POU1F1: variants seen among roughly 807,000 people sequenced by gnomAD.
The protein encoded by POU1F1 is pituitary-specific positive transcription factor 1.
Under a neutral mutation model 32.3 loss-of-function variants are expected in POU1F1, and 23 were observed. The ratio of observed to expected loss-of-function variants is 0.71; its 90% confidence interval spans 0.51 to 1.01. The LOEUF is 1.01. POU1F1 is among the 50% of genes least tolerant of loss of function. POU1F1 has a pLI of 0.00. For synonymous variants in POU1F1, 120 were observed against 115.6 expected, an observed-to-expected ratio of 1.04 and a Z score of -0.25; for missense variants, 323 against 341.6, an observed-to-expected ratio of 0.95 and a Z score of 0.43.
At chr3:87,271,796 T>C (rs972842755) in intron 2 of POU1F1, among the ~76,000 whole-genome samples, 2 of 152,180 alleles carry the variant, frequency 1.3e-5, no homozygotes, top group Non-Finnish European at 2.9e-5. Flanking sequence ...ATGGCTTTAA[T>C]TCTTAATTTT....
At chr3:87,267,926 T>TTA (rs1156808721) in intron 2 of POU1F1, among the ~76,000 whole-genome samples, 7 of 152,082 alleles carry the variant, frequency 4.6e-5, no homozygotes, top group Non-Finnish European at 8.8e-5. Flanking sequence ...GAAAGGTAGT[T>TTA]TATACATTGT....
At chr3:87,272,006 C>A (rs530342073) in intron 2 of POU1F1, among the ~76,000 whole-genome samples, 12 of 151,122 alleles carry the variant, frequency 7.9e-5, no homozygotes, top group Non-Finnish European at 1.6e-4. Context: ...AAAGGTTAAA[C>A]AATTTAATTA....
At chr3:87,268,925 C>T (rs971472412) in intron 2 of POU1F1, among the ~76,000 whole-genome samples, 5 of 152,226 alleles carry the variant, frequency 3.3e-5, no homozygotes, top group South Asian at 2.1e-4. Flanking sequence ...CCTTACTAGG[C>T]GCTGACTCAA....
chr3:87,267,777 T>A (rs1342803484), intron 2 of POU1F1, among the ~76,000 whole-genome samples: 2 of 152,126 alleles, frequency 1.3e-5, no homozygotes, highest in East Asian at 3.9e-4. Flanking sequence ...TCTACTTTTT[T>A]AAATTTTTTG....
Position 87,272,376 on chromosome 3 carries a change from C to T in POU1F1, c.214+971G>A, listed in dbSNP as rs570116378. 2.4e-4 allele frequency among the ~76,000 whole-genome samples: 37 copies of T among 152,248 alleles called. No individual in the cohort carries two copies. In the South Asian group the frequency reaches 3.7e-3, roughly 15 times the overall value. On this transcript the variant is annotated intron_variant, in intron 2 of 5. Transcript: ENST00000350375. Reference sequence around the variant, plus strand: ...TGTGCAGGTTAGTTACATATGTATACATGCGCCATGCTGGTGCGCTGCACC... The same window carrying T: ...TGTGCAGGTTAGTTACATATGTATATATGCGCCATGCTGGTGCGCTGCACC...
intron 2 of POU1F1, among the ~76,000 whole-genome samples, chr3:87,269,458 T>C (rs1706685430): frequency 6.6e-6 from 1 of 152,110 alleles, no homozygotes. Context: ...GCAAAAGATC[T>C]TCAGAATTAC....
intron 2 of POU1F1, among the ~76,000 whole-genome samples, chr3:87,264,798 G>A (rs1706586130): frequency 6.6e-6 from 1 of 152,118 alleles, no homozygotes; most frequent in Non-Finnish European, 1.5e-5. Flanking sequence ...ACTTCTCTCA[G>A]AAGCATACAT....
intron 2 of POU1F1, among the ~76,000 whole-genome samples, chr3:87,271,099 C>T (rs182844175): frequency 4.6e-5 from 7 of 152,172 alleles, no homozygotes; most frequent in African/African-American, 1.7e-4. Flanking sequence ...AAGTCTTCTG[C>T]TCTTGATGTC....
intron 1 of POU1F1, 133 bp from the exon 2 acceptor site, chr3:87,273,551 A>G: frequency 2.1e-6 from 3 of 1,455,492 alleles, no homozygotes; most frequent in South Asian, 1.3e-5. Context: ...TCAAAAATAC[A>G]CATTTATGTG....
chr3:87,265,407 C>G (rs373638787), intron 2 of POU1F1, among the ~76,000 whole-genome samples: 21 of 152,126 alleles, frequency 1.4e-4, no homozygotes, highest in African/African-American at 5.1e-4. Flanking sequence ...ACAATTGCTT[C>G]CAGATTTCCT....
chr3:87,267,719 C>T (rs771321949), intron 2 of POU1F1, among the ~76,000 whole-genome samples: 1 of 152,118 alleles, frequency 6.6e-6, no homozygotes, highest in Non-Finnish European at 1.5e-5. Flanking sequence ...GCCATCCTCC[C>T]ACCTCAGCAT....
At chr3:87,273,790 T>G (rs572920617) in intron 1 of POU1F1, among the ~76,000 whole-genome samples, 3 of 152,154 alleles carry the variant, frequency 2.0e-5, no homozygotes, top group Non-Finnish European at 4.4e-5. Flanking sequence ...TGCTTGTTGG[T>G]TCTGTTCAAT....
At position 87,259,636 on chromosome 3, in the gene POU1F1, A is replaced by G; in HGVS notation, c.*258T>C. ...GTGTGAGAAAGAGAGCGGGAGAGAC[A>G]GAGAGATCATTTTATTACTGTTAAT... On this transcript the variant is annotated 3_prime_UTR_variant, in exon 6 of 6. Coordinates refer to ENST00000350375, the MANE Select transcript of POU1F1 (RefSeq NM_000306.4). The G allele has an allele frequency of 2.3e-6, 1 of 441,554 alleles. No individual in the cohort carries two copies. Among genetic ancestry groups the G allele is most frequent in the Non-Finnish European group, 4.1e-6 (1 of 245,716 alleles). 27.4% of individuals were successfully genotyped at this position (441,554 alleles called of 1,614,324 possible).
At chr3:87,262,263 C>G in intron 3 of POU1F1, 28 bp from the exon 4 acceptor site, 5 of 1,613,226 alleles carry the variant, frequency 3.1e-6, no homozygotes, top group Non-Finnish European at 4.2e-6. Flanking sequence ...AGACCATCAG[C>G]TCCAACTTTC....
chr3:87,262,143 G>A lies in POU1F1; in HGVS notation c.532C>T (p.Leu178Phe). The change falls in exon 4 of 6, where the codon CTC becomes TTC. Residue 178 changes from leucine (L) to phenylalanine (F), a missense_variant. By Grantham distance (22) the Leu-to-Phe change is conservative (BLOSUM62 0). Transcript: ENST00000350375. ...AGTTTGCATGCATTTTTAAAGCTGA[G>A]CTGCAGATTTTCAAATCGGCAGATT... is the stretch of plus-strand genomic sequence containing the variant. Reference protein sequence around the residue: ...TTICRFENLQLSFKNACKLKA... With the variant: ...TTICRFENLQFSFKNACKLKA... 6.2e-7 allele frequency: 1 copy of A among 1,614,102 alleles called. No individual in the cohort carries two copies. The highest frequency in any genetic ancestry group is 8.5e-7 in the Non-Finnish European group (1 of 1,179,988).
At chr3:87,265,947 A>C (rs925253339) in intron 2 of POU1F1, among the ~76,000 whole-genome samples, 1 of 151,320 alleles carries the variant, frequency 6.6e-6, no homozygotes, top group Non-Finnish European at 1.5e-5. Context: ...TTTTCTTATA[A>C]ATATAAATAT....
intron 2 of POU1F1, among the ~76,000 whole-genome samples, chr3:87,270,194 G>A (rs892953825): frequency 1.3e-5 from 2 of 152,108 alleles, no homozygotes; most frequent in Non-Finnish European, 2.9e-5. Flanking sequence ...GCAAGAGTAC[G>A]TGAAGAGAAG....
Position 87,259,896 on chromosome 3 carries a change from A to G in POU1F1, c.874T>C (p.Ter292GlnextTer6). 6.2e-7 allele frequency: 1 copy of G among 1,612,266 alleles called. No homozygotes were observed. Among genetic ancestry groups the G allele is most frequent in the Non-Finnish European group, 8.5e-7 (1 of 1,178,352 alleles). Residue 292 changes from the stop codon to glutamine, a stop_lost, in exon 6 of 6, where the codon TAA (stop) becomes CAA (glutamine). Coordinates refer to ENST00000350375, the MANE Select transcript of POU1F1 (RefSeq NM_000306.4). ...GGCTATTATACAATAGAAAAATCTT[A>G]TCTGCACTCAAGATGTTCCTTAGAA... is the stretch of plus-strand genomic sequence containing the variant. ...SISKEHLECR* is the reference protein window; with the variant it reads ...SISKEHLECRQ
chr3:87,272,850 A>T (rs1322691575), intron 2 of POU1F1, among the ~76,000 whole-genome samples: 3 of 150,194 alleles, frequency 2.0e-5, no homozygotes, highest in East Asian at 4.0e-4. Flanking sequence ...AAATATAATG[A>T]TGAGGGGGGG....
Sources: allele counts gnomAD v4.1 joint callset (sites outside exome capture counted in the v4.1 genomes callset), GRCh38; gene constraint gnomAD v4.1.1; transcripts MANE v1.5; gene names NCBI Gene and HGNC (gene_info 2026-07-23, HGNC 2026-07-21).